SETBP1: variants seen among roughly 807,000 people sequenced by gnomAD.
The protein encoded by SETBP1 is SET binding protein 1.
SETBP1 carries 9 observed loss-of-function variants against 101.0 expected under a neutral mutation model. That is an observed-to-expected ratio of 0.09 (90% CI 0.05 to 0.16). SETBP1 has a LOEUF of 0.16. SETBP1 is among the 10% of genes least tolerant of loss of function. The probability of loss-of-function intolerance (pLI) is 1.00; values close to 1 mark genes in which losing one functional copy is unlikely to be tolerated. For missense variants in SETBP1, 1,858 were observed against 2,033.8 expected (o/e 0.91, Z 1.66); for synonymous variants, 818 against 788.5 (o/e 1.04, Z -0.63).
Position 45,038,539 on chromosome 18 carries a change from A to G in SETBP1, c.4055A>G (p.Glu1352Gly). The G allele has an allele frequency of 6.2e-7, 1 of 1,614,144 alleles. No homozygotes were observed. Among genetic ancestry groups the G allele is most frequent in the Non-Finnish European group, 8.5e-7 (1 of 1,180,010 alleles). ...CAGACAGCAGTGCATAGTAAGAACG[A>G]AGGCTCAGTGCCCACCATGATGACC... ...VDQTAVHSKN[E>G]GSVPTMMTRK... The change falls in exon 5 of 6, where the codon GAA (glutamate) becomes GGA (glycine). Residue 1352 changes from glutamate to glycine, a missense_variant. By Grantham distance (98) the Glu-to-Gly change is moderately conservative. Around this residue, in one of 12 missense-constraint regions of SETBP1, gnomAD observed 417 missense variants for 389.1 expected, o/e 1.07. Coordinates refer to ENST00000649279, the MANE Select transcript of SETBP1 (RefSeq NM_015559.3).
chr18:44,767,028 C>T (rs1205512291), intron 2 of SETBP1, among the ~76,000 whole-genome samples: 1 of 152,120 alleles, frequency 6.6e-6, no homozygotes, highest in Admixed American at 6.5e-5. Context: ...AATTTCCTTT[C>T]ATTGTGGTTT....
At chr18:44,811,877 G>A (rs1044124461) in intron 2 of SETBP1, among the ~76,000 whole-genome samples, 1 of 152,192 alleles carries the variant, frequency 6.6e-6, no homozygotes, top group African/African-American at 2.4e-5. Flanking sequence ...TGCTGACACT[G>A]GAAGGGAGGC....
chr18:44,775,403 G>A (rs938017030), intron 2 of SETBP1, among the ~76,000 whole-genome samples: 35 of 152,136 alleles, frequency 2.3e-4, no homozygotes, highest in Non-Finnish European at 4.1e-4. Flanking sequence ...AGGTTTCCAG[G>A]GAAGTAACAT....
intron 4 of SETBP1, among the ~76,000 whole-genome samples, chr18:45,020,824 G>A (rs2073045138): frequency 6.6e-6 from 1 of 152,150 alleles, no homozygotes; most frequent in African/African-American, 2.4e-5. Flanking sequence ...GAATCACTAG[G>A]TGTGCAAAAC....
At chr18:44,966,534 A>G (rs2071724500) in intron 4 of SETBP1, among the ~76,000 whole-genome samples, 1 of 151,982 alleles carries the variant, frequency 6.6e-6, no homozygotes, top group South Asian at 2.1e-4. Context: ...TTAGGTAGGG[A>G]TGTCTTATTC....
At chr18:44,723,561 C>G (rs904085899) in intron 2 of SETBP1, among the ~76,000 whole-genome samples, 1 of 152,302 alleles carries the variant, frequency 6.6e-6, no homozygotes, top group South Asian at 2.1e-4. Context: ...AAAAATGAGA[C>G]AGGAGACTGA....
intron 4 of SETBP1, among the ~76,000 whole-genome samples, chr18:44,970,905 T>C (rs986347665): frequency 2.6e-5 from 4 of 152,004 alleles, no homozygotes; most frequent in African/African-American, 7.3e-5. Flanking sequence ...TTAGGGTACA[T>C]GTGCACAACG....
chr18:44,981,010 A>G (rs1409578313), intron 4 of SETBP1, among the ~76,000 whole-genome samples: 2 of 152,252 alleles, frequency 1.3e-5, no homozygotes, highest in African/African-American at 4.8e-5. Flanking sequence ...CCCCAGACCA[A>G]TAGCATCTGC....
At chr18:45,031,828 G>T (rs1420671186) in intron 4 of SETBP1, among the ~76,000 whole-genome samples, 1 of 152,180 alleles carries the variant, frequency 6.6e-6, no homozygotes, top group African/African-American at 2.4e-5. Context: ...ACAGAAGTAT[G>T]TTCAGGATGG....
intron 5 of SETBP1, among the ~76,000 whole-genome samples, chr18:45,054,048 G>A (rs1169755221): frequency 6.6e-6 from 1 of 152,194 alleles, no homozygotes; most frequent in Non-Finnish European, 1.5e-5. Flanking sequence ...TGTCTCATCA[G>A]TGTGTTGGGA....
intron 2 of SETBP1, among the ~76,000 whole-genome samples, chr18:44,720,901 A>ACC (rs1207713861): frequency 1.1e-3 from 97 of 90,390 alleles, no homozygotes; most frequent in Middle Eastern, 4.8e-3. Flanking sequence ...GAGCCCTCCA[A>ACC]CCCCCACCCC....
chr18:45,026,045 C>A (rs1335273155), intron 4 of SETBP1, among the ~76,000 whole-genome samples: 1 of 152,190 alleles, frequency 6.6e-6, no homozygotes, highest in East Asian at 1.9e-4. Context: ...TATTACCATG[C>A]AGATGTGCTC....
intron 2 of SETBP1, among the ~76,000 whole-genome samples, chr18:44,755,720 C>T (rs965729845): frequency 2.6e-5 from 4 of 152,080 alleles, no homozygotes; most frequent in East Asian, 1.9e-4. Context: ...AGCTTGCAGA[C>T]GATCTCTCTT....
At chr18:44,875,109 G>T (rs180806883) in intron 3 of SETBP1, among the ~76,000 whole-genome samples, 4 of 152,326 alleles carry the variant, frequency 2.6e-5, no homozygotes, top group Non-Finnish European at 4.4e-5. Context: ...GAATCTCTGA[G>T]TTACCAGGTT....
At chr18:44,919,297 CTATCAGAAAGGGTATCCTTAG>C (rs2070520503) in intron 3 of SETBP1, among the ~76,000 whole-genome samples, 1 of 151,786 alleles carries the variant, frequency 6.6e-6, no homozygotes, top group African/African-American at 2.4e-5. Context: ...GCATGTTACT[CTATCAGAAAGGGTATCCTTAG>C]CCAGCCTGTC....
intron 2 of SETBP1, among the ~76,000 whole-genome samples, chr18:44,758,312 G>A (rs1222342981): frequency 6.6e-6 from 1 of 152,050 alleles, no homozygotes; most frequent in Non-Finnish European, 1.5e-5. Context: ...TTTCCTTGGA[G>A]CAAATAAAAC....
At chr18:44,864,822 CCT>C (rs1369969900) in intron 2 of SETBP1, among the ~76,000 whole-genome samples, 1 of 152,026 alleles carries the variant, frequency 6.6e-6, no homozygotes, top group African/African-American at 2.4e-5. Context: ...CATTTTACTC[CCT>C]CTCTGCCTCC....
chr18:44,869,014 C>A (rs2069205999), intron 2 of SETBP1, among the ~76,000 whole-genome samples: 2 of 152,096 alleles, frequency 1.3e-5, no homozygotes, highest in African/African-American at 4.8e-5. Flanking sequence ...TTAGAGAGAG[C>A]AGCAAGAGAG....
intron 4 of SETBP1, among the ~76,000 whole-genome samples, chr18:44,960,136 A>T (rs1197976263): frequency 2.0e-5 from 3 of 151,968 alleles, no homozygotes; most frequent in Non-Finnish European, 4.4e-5. Flanking sequence ...ACCTCAAGTG[A>T]TCCTCCCGCC....
Sources: gnomAD v4.1 joint callset for allele counts (sites outside exome capture counted in the v4.1 genomes callset) on GRCh38, gnomAD v4.1.1 for gene constraint, gnomAD v4.1.1 regional missense constraint, MANE v1.5 for transcripts, NCBI Gene and HGNC (gene_info 2026-07-23, HGNC 2026-07-21) for gene names.